UNC5C: variants seen among roughly 807,000 people sequenced by gnomAD.
UNC5C encodes the protein netrin receptor UNC5C.
In UNC5C, 47 loss-of-function variants were observed where a neutral mutation model predicts 99.8. The ratio of observed to expected loss-of-function variants is 0.47; its 90% confidence interval spans 0.37 to 0.60. The LOEUF (loss-of-function observed/expected upper bound fraction) is 0.60, where lower values mean the gene tolerates loss of function less well. UNC5C is among the 20% of genes least tolerant of loss of function. UNC5C has a pLI of 0.00. For missense variants in UNC5C, 1,062 were observed against 1,165.9 expected (o/e 0.91, Z 1.30); for synonymous variants, 487 against 452.2 (o/e 1.08, Z -0.98).
intron 7 of UNC5C, among the ~76,000 whole-genome samples, chr4:95,235,304 G>A (rs938335190): frequency 6.6e-6 from 1 of 152,104 alleles, no homozygotes; most frequent in African/African-American, 2.4e-5. Flanking sequence ...CATAAATAAT[G>A]TATAGAATAG....
chr4:95,530,842 A>T (rs1715579020), intron 1 of UNC5C, among the ~76,000 whole-genome samples: 1 of 152,182 alleles, frequency 6.6e-6, no homozygotes, highest in Non-Finnish European at 1.5e-5. Flanking sequence ...AGCACTTGAC[A>T]AGTAAATATA....
intron 1 of UNC5C, among the ~76,000 whole-genome samples, chr4:95,445,730 A>G (rs1004031865): frequency 1.3e-5 from 2 of 152,196 alleles, no homozygotes; most frequent in Non-Finnish European, 2.9e-5. Context: ...AAAAAGCAAT[A>G]AATGAATTTT....
Position 95,250,480 on chromosome 4 carries a change from C to CA in UNC5C, c.775+6dup. On this transcript the variant is annotated splice_region_variant and intron_variant, in intron 5 of 15. Transcript: ENST00000453304. ...GAACTAGATTGAGACCCTGAAGGGC[C>CA]ACTCACCATAGACTATGACAGTGGC... The CA allele has an allele frequency of 6.2e-7, 1 of 1,612,452 alleles. No individual in the cohort carries two copies. Among genetic ancestry groups the CA allele is most frequent in the South Asian group, 1.1e-5 (1 of 90,726 alleles).
intron 1 of UNC5C, among the ~76,000 whole-genome samples, chr4:95,426,133 A>G (rs1403801742): frequency 6.6e-6 from 1 of 152,228 alleles, no homozygotes. Flanking sequence ...CCATTTTTCC[A>G]ATAGCATGTG....
At chr4:95,325,657 A>C (rs1254102810) in intron 2 of UNC5C, among the ~76,000 whole-genome samples, 2 of 152,198 alleles carry the variant, frequency 1.3e-5, no homozygotes, top group Non-Finnish European at 2.9e-5. Flanking sequence ...CAATTCACTT[A>C]AATTTATGCC....
chr4:95,310,723 T>TA (rs397823076), intron 2 of UNC5C, among the ~76,000 whole-genome samples: 1 of 5,480 alleles, frequency 1.8e-4, no homozygotes. Flanking sequence ...TGGCAGCCTG[T>TA]GTCAAATGAG....
intron 1 of UNC5C, among the ~76,000 whole-genome samples, chr4:95,503,734 T>G (rs558214928): frequency 2.2e-4 from 34 of 152,222 alleles, no homozygotes; most frequent in African/African-American, 8.2e-4. Context: ...TGAAGAATAT[T>G]CAAAACCATT....
intron 3 of UNC5C, among the ~76,000 whole-genome samples, chr4:95,285,191 T>C (rs114263082): frequency 0.013 from 1,906 of 152,332 alleles, 42 homozygotes; most frequent in African/African-American, 0.043. Flanking sequence ...TAAAATATTT[T>C]TTTCTATCCA....
At chr4:95,227,617 G>C (rs1738748414) in intron 7 of UNC5C, among the ~76,000 whole-genome samples, 2 of 152,140 alleles carry the variant, frequency 1.3e-5, no homozygotes, top group South Asian at 4.2e-4. Flanking sequence ...TCCATGCAAT[G>C]CTCCTTTTAC....
At chr4:95,180,048 T>C (rs1362393741) in intron 14 of UNC5C, among the ~76,000 whole-genome samples, 1 of 152,096 alleles carries the variant, frequency 6.6e-6, no homozygotes, top group African/African-American at 2.4e-5. Context: ...TCAAAAGCCC[T>C]GTTATCCTTA....
At chr4:95,385,215 G>A (rs879694088) in intron 1 of UNC5C, among the ~76,000 whole-genome samples, 15 of 152,080 alleles carry the variant, frequency 9.9e-5, no homozygotes, top group Non-Finnish European at 2.2e-4. Flanking sequence ...TTTCAAACAC[G>A]TTCTAAGAAC....
intron 10 of UNC5C, among the ~76,000 whole-genome samples, chr4:95,215,885 C>T (rs938564322): frequency 3.9e-5 from 6 of 152,124 alleles, no homozygotes; most frequent in Admixed American, 2.0e-4. Flanking sequence ...AATATGGCAA[C>T]GTGTCCACTT....
At chr4:95,490,408 T>A (rs113170204) in intron 1 of UNC5C, among the ~76,000 whole-genome samples, 3,222 of 151,782 alleles carry the variant, frequency 0.021, 119 homozygotes, top group African/African-American at 0.074. Flanking sequence ...GAACTTTTAA[T>A]TAATATATAA....
At chr4:95,319,825 A>T (rs1742613630) in intron 2 of UNC5C, among the ~76,000 whole-genome samples, 1 of 152,184 alleles carries the variant, frequency 6.6e-6, no homozygotes, top group Non-Finnish European at 1.5e-5. Context: ...GTGGGGAGAG[A>T]GAAATAGCAT....
At chr4:95,535,478 TAA>T (rs1560497688) in intron 1 of UNC5C, among the ~76,000 whole-genome samples, 1 of 152,208 alleles carries the variant, frequency 6.6e-6, no homozygotes. Context: ...TAATGTGCAT[TAA>T]GTGTTATTTG....
intron 12 of UNC5C, among the ~76,000 whole-genome samples, chr4:95,193,414 C>T (rs1273056975): frequency 6.6e-6 from 1 of 152,184 alleles, no homozygotes; most frequent in Non-Finnish European, 1.5e-5. Context: ...TGTACTGCAG[C>T]GGTGCCCCAC....
At position 95,183,075 on chromosome 4, in the gene UNC5C, A is replaced by C. The variant is rs1280857358; in HGVS notation, c.2287-14T>G. 1 of 1,595,158 alleles carries C rather than the reference A, an allele frequency of 6.3e-7. No homozygotes were observed. The highest frequency in any genetic ancestry group is 2.3e-5 in the East Asian group (1 of 44,390). On this transcript the variant is annotated splice_polypyrimidine_tract_variant and intron_variant, in intron 13 of 15. Coordinates refer to ENST00000453304, the MANE Select transcript of UNC5C (RefSeq NM_003728.4). ...AAATGGAATTTCCTAAAGGATATGA[A>C]AGTGTTAACCACAATTGAAGGACTA... is the stretch of plus-strand genomic sequence containing the variant.
chr4:95,193,956 C>T (rs1737268416), intron 12 of UNC5C, among the ~76,000 whole-genome samples: 1 of 152,160 alleles, frequency 6.6e-6, no homozygotes. Context: ...CTGCTCTCCC[C>T]CTGAGTTTGT....
chr4:95,163,590 A>C lies in UNC5C; in HGVS notation c.*5644T>G, dbSNP rs1735754957. On this transcript the variant is annotated 3_prime_UTR_variant, in exon 16 of 16. Transcript: ENST00000453304. ...TAGACCTTTGGAACTTAAAAATGAC[A>C]CACAATTTAGACATATTTGTAAAAG... is the stretch of plus-strand genomic sequence containing the variant. 6.6e-6 allele frequency: 1 copy of C among 152,352 alleles called. No homozygotes were observed. 9.4% of individuals were successfully genotyped at this position (152,352 alleles called of 1,614,324 possible). A position where few individuals can be genotyped will look rare whatever the true frequency, so the allele number is the denominator to read the frequency against.
Sources: gnomAD v4.1 joint callset for allele counts (sites outside exome capture counted in the v4.1 genomes callset) on GRCh38, gnomAD v4.1.1 for gene constraint, MANE v1.5 for transcripts, NCBI Gene and HGNC (gene_info 2026-07-23, HGNC 2026-07-21) for gene names.